The following TTN variants were observed in gnomAD, a reference collection of about 807,000 sequenced individuals.
TTN encodes titin, also known as connectin.
In TTN, 1,525 loss-of-function variants were observed where a neutral mutation model predicts 3,223.0. The observed-to-expected ratio is 0.47, with a 90% CI of 0.45 to 0.49. The LOEUF is 0.49. Among genes scored for constraint, TTN ranks in the 20% least tolerant of loss-of-function variants. The probability of loss-of-function intolerance (pLI) is 0.00; values close to 1 mark genes in which losing one functional copy is unlikely to be tolerated. For synonymous variants in TTN, 14,094 were observed against 15,161.0 expected (o/e 0.93, Z 5.17); for missense variants, 40,786 against 43,424.0 (o/e 0.94, Z 5.40).
intron 11 of TTN, 85 bp downstream of exon 11, chr2:178,790,623 A>T: frequency 6.2e-7 from 1 of 1,601,948 alleles, no homozygotes; most frequent in Non-Finnish European, 8.5e-7. Context: ...TGAAGAAGTG[A>T]TGATTAAGAT....
In TTN at chr2:178,798,692, T is replaced by A. The variant is rs1307294767; in HGVS notation, c.914+795A>T. Reference sequence around the variant, plus strand: ...AAATAAACTGCTTAACTTCTTTAATTCCAGTTACCTATCAATAACATTGAG... The same window carrying A: ...AAATAAACTGCTTAACTTCTTTAATACCAGTTACCTATCAATAACATTGAG... On this transcript the variant is annotated intron_variant, in intron 6 of 362. Coordinates refer to ENST00000589042, the MANE Select transcript of TTN (RefSeq NM_001267550.2). The A allele has an allele frequency of 2.0e-5, 3 of 152,166 alleles. No individual in the cohort carries two copies. In the East Asian group the frequency reaches 5.8e-4, roughly 29 times the overall value. 9.4% of individuals were successfully genotyped at this position (152,166 alleles called of 1,614,324 possible). A position where few individuals can be genotyped will look rare whatever the true frequency, so the allele number is the denominator to read the frequency against.
chr2:178,683,953 T>C (rs1473231721), intron 133 of TTN, 46 bp downstream of exon 133: 19 of 1,453,260 alleles, frequency 1.3e-5, no homozygotes, highest in Non-Finnish European at 1.7e-5. Flanking sequence ...TTTTAGTGTC[T>C]GGATGCTTAT....
chr2:178,711,115 G>A lies in TTN; in HGVS notation c.28121C>T (p.Thr9374Ile), dbSNP rs878939055. ...AGCAGAGCCTATAGGGTTTGTAGCT[G>A]TGCAGGAATACTGGCCTGCAAGGCT... ...DRSLAGQYSC[T>I]ATNPIGSASS... Residue 9374 changes from threonine (T) to isoleucine (I), a missense_variant, in exon 97 of 363, where the codon ACA (threonine) becomes ATA (isoleucine). By Grantham distance (89) the Thr-to-Ile change is moderately conservative. Transcript: ENST00000589042. 1 of 1,613,684 alleles carries A rather than the reference G, an allele frequency of 6.2e-7. No homozygotes were observed. The highest frequency in any genetic ancestry group is 8.5e-7 in the Non-Finnish European group (1 of 1,179,684).
intron 117 of TTN, 146 bp downstream of exon 117, chr2:178,694,453 C>A: frequency 3.7e-6 from 2 of 542,146 alleles, no homozygotes; most frequent in Non-Finnish European, 6.6e-6. Flanking sequence ...AACATATGTG[C>A]AACTCAACAT....
rs1158438965 is a variant in TTN at position 178,757,790 on chromosome 2, T to G, written c.10430A>C (p.His3477Pro). Residue 3477 changes from histidine (H) to proline (P), a missense_variant, in exon 45 of 363, where the codon CAC becomes CCC. By Grantham distance (77) the His-to-Pro change is moderately conservative. Coordinates refer to ENST00000589042, the MANE Select transcript of TTN (RefSeq NM_001267550.2). ...ATGAAATCTGACTGTCTCCCCGTTG[T>G]GCACCCTGAGGCTTGACAGAGGCTG... ...FIQPLSSLRV[H>P]NGETVRFHAR... The G allele has an allele frequency of 6.2e-7, 1 of 1,613,548 alleles. No homozygotes were observed. Among genetic ancestry groups the G allele is most frequent in the Non-Finnish European group, 8.5e-7 (1 of 1,179,676 alleles).
At position 178,635,715 on chromosome 2, in the gene TTN, T is replaced by C; in HGVS notation, c.41609A>G (p.Glu13870Gly). Residue 13870 changes from glutamate to glycine, a missense_variant and splice_region_variant, in exon 227 of 363, where the codon GAA (glutamate) becomes GGA (glycine). Coordinates refer to ENST00000589042, the MANE Select transcript of TTN (RefSeq NM_001267550.2). ...TTTCACCAGCCAATCTCTAATGACT[T>C]CTATATGAAAATAAGATCAGAAAAA... is the stretch of plus-strand genomic sequence containing the variant. ...LECSSCVKVVEVIRDWLVKPI... is the reference protein window; with the variant it reads ...LECSSCVKVVGVIRDWLVKPI... 6.3e-7 allele frequency: 1 copy of C among 1,591,812 alleles called. No individual in the cohort carries two copies. Among genetic ancestry groups the C allele is most frequent in the Non-Finnish European group, 8.5e-7 (1 of 1,170,526 alleles).
In TTN at chr2:178,577,318, G is replaced by A. The variant is rs1559470479; in HGVS notation, c.69017C>T (p.Thr23006Ile). The A allele has an allele frequency of 6.2e-7, 1 of 1,612,818 alleles. No homozygotes were observed. The highest frequency in any genetic ancestry group is 8.5e-7 in the Non-Finnish European group (1 of 1,179,468). The change falls in exon 324 of 363, where the codon ACT (threonine) becomes ATT (isoleucine). Residue 23006 changes from threonine to isoleucine, a missense_variant. Physicochemically the swap from Thr to Ile is moderately conservative, Grantham distance 89. Coordinates refer to ENST00000589042, the MANE Select transcript of TTN (RefSeq NM_001267550.2). ...ATCTTTTCTAGTGGCATACTTGATAGTAAGCATGGAAGATGTTGGGGTTGA... is the reference window on the plus strand; with the variant it reads ...ATCTTTTCTAGTGGCATACTTGATAATAAGCATGGAAGATGTTGGGGTTGA... Reference protein sequence around the residue: ...ITSTPTSSMLTIKYATRKDAG... With the variant: ...ITSTPTSSMLIIKYATRKDAG...
chr2:178,729,294 G>A lies in TTN; in HGVS notation c.18862C>T (p.Leu6288=), dbSNP rs745682900. The A allele has an allele frequency of 1.3e-6, 2 of 1,593,586 alleles. No homozygotes were observed. The highest frequency in any genetic ancestry group is 1.7e-6 in the Non-Finnish European group (2 of 1,168,284). The change falls in exon 64 of 363, where the codon CTG becomes TTG. Residue 6288 remains leucine, a synonymous_variant. Transcript: ENST00000589042. The stretch of plus-strand genomic sequence containing the variant: ...TGCTTCTTGTATAACTGACCTTTCA[G>A]GGCAACTCTAGTACTGCATGAGCAG... ...GSCSCSTRVA[L]KEPPSFIKKI...
chr2:178,555,618 G>A, intron 330 of TTN: 1 of 157,468 alleles, frequency 6.4e-6, no homozygotes, highest in Non-Finnish European at 1.4e-5. Flanking sequence ...CATAATTACT[G>A]GACAGATTTT....
rs149200851 is a variant in TTN, at chr2:178,665,969, T to G, written c.35876-178A>C. Among the ~76,000 whole-genome samples, 294 of 152,230 alleles carry G rather than the reference T, an allele frequency of 1.9e-3. 1 individual carries two copies. The highest frequency in any genetic ancestry group is 6.7e-3 in the African/African-American group (279 of 41,548). The stretch of plus-strand genomic sequence containing the variant: ...ATAAGCGGCTGTTTTCTTGGTCACC[T>G]CAGGCACTATCAGTATTAGTAATTT... On this transcript the variant is annotated intron_variant, in intron 163 of 362. Coordinates refer to ENST00000589042, the MANE Select transcript of TTN (RefSeq NM_001267550.2).
rs201344229 is a variant in TTN, at chr2:178,547,691, A to C, written c.93935T>G (p.Val31312Gly). Residue 31312 changes from valine to glycine, a missense_variant, in exon 339 of 363, where the codon GTA becomes GGA. By Grantham distance (109) the Val-to-Gly change is moderately radical. Transcript: ENST00000589042. The stretch of plus-strand genomic sequence containing the variant: ...AGATGAGACCTCAATGGGGCCGGTT[A>C]CTGGACCTGGCCTTCCAATGACCAC... ...TVVVIGRPGPVTGPIEVSSVS... is the reference protein window; with the variant it reads ...TVVVIGRPGPGTGPIEVSSVS... 2.7e-5 allele frequency: 43 copies of C among 1,613,804 alleles called. No individual in the cohort carries two copies. The highest frequency in any genetic ancestry group is 3.6e-5 in the Non-Finnish European group (42 of 1,179,834).
Position 178,774,355 on chromosome 2 carries a change from A to T in TTN, c.6909T>A (p.Asp2303Glu). 6.2e-7 allele frequency: 1 copy of T among 1,614,114 alleles called. No individual in the cohort carries two copies. Among genetic ancestry groups the T allele is most frequent in the Non-Finnish European group, 8.5e-7 (1 of 1,179,972 alleles). Residue 2303 changes from aspartate to glutamate, a missense_variant, in exon 30 of 363, where the codon GAT becomes GAA. Coordinates refer to ENST00000589042, the MANE Select transcript of TTN (RefSeq NM_001267550.2). ...ENIEGKWYHNDVELKSNGKYT... is the reference protein window; with the variant it reads ...ENIEGKWYHNEVELKSNGKYT... ...ATTTGCCATTGGATTTAAGCTCCAC[A>T]TCATTATGATACCATTTTCCTTCTA... is the stretch of plus-strand genomic sequence containing the variant.
In TTN at chr2:178,693,933, ACCT is replaced by A; in HGVS notation, c.31499_31501del (p.Glu10500del). 6.2e-7 allele frequency: 1 copy of A among 1,612,726 alleles called. No homozygotes were observed. The highest frequency in any genetic ancestry group is 8.5e-7 in the Non-Finnish European group (1 of 1,179,252). ...AGTTTGCCTTATACCTGTGACTGACACCTCCTCCTCTGTGTGAGAAGCAAAGAA... is the reference window on the plus strand; with the variant it reads ...AGTTTGCCTTATACCTGTGACTGACACCTCCTCTGTGTGAGAAGCAAAGAA... On this transcript the variant is annotated inframe_deletion, in exon 118 of 363. Transcript: ENST00000589042.
At position 178,559,378 on chromosome 2, in the gene TTN, T is replaced by G; in HGVS notation, c.86754A>C (p.Arg28918Ser). The G allele has an allele frequency of 1.9e-6, 3 of 1,613,648 alleles. No homozygotes were observed. Among genetic ancestry groups the G allele is most frequent in the African/African-American group, 1.3e-5 (1 of 75,044 alleles). Residue 28918 changes from arginine (R) to serine (S), a missense_variant, in exon 326 of 363, where the codon AGA (arginine) becomes AGC (serine). Coordinates refer to ENST00000589042, the MANE Select transcript of TTN (RefSeq NM_001267550.2). ...NLQEGAIYYF[R>S]VSGENEFGVG... The stretch of plus-strand genomic sequence containing the variant: ...CACCAAACTCATTTTCTCCAGAGAC[T>G]CTGAAGTAATAGATAGCTCCTTCTT...
chr2:178,606,409 G>A (rs535966163), intron 278 of TTN, among the ~76,000 whole-genome samples: 1 of 151,836 alleles, frequency 6.6e-6, no homozygotes, highest in Non-Finnish European at 1.5e-5. Context: ...GAAGGAATAA[G>A]TTCTTCTGTC....
At chr2:178,641,492 C>T in intron 219 of TTN, 177 bp from the exon 220 acceptor site, 1 of 421,420 alleles carries the variant, frequency 2.4e-6, no homozygotes, top group Admixed American at 4.4e-5. Context: ...TTTTTAAAAT[C>T]AAAGGTTGTC....
chr2:178,534,416 C>T lies in TTN; in HGVS notation c.102199G>A (p.Ala34067Thr), dbSNP rs776959962. 6.2e-7 allele frequency: 1 copy of T among 1,611,630 alleles called. No individual in the cohort carries two copies. The highest frequency in any genetic ancestry group is 1.1e-5 in the South Asian group (1 of 91,086). The change falls in exon 358 of 363, where the codon GCT becomes ACT. Residue 34067 changes from alanine (A) to threonine (T), a missense_variant. Physicochemically the swap from Ala to Thr is moderately conservative, Grantham distance 58. Coordinates refer to ENST00000589042, the MANE Select transcript of TTN (RefSeq NM_001267550.2). ...TGCTTCAACCATGGGTGCTGGAGAGCCTCCGATGCTGTCATGCGAGATTTC... is the reference window on the plus strand; with the variant it reads ...TGCTTCAACCATGGGTGCTGGAGAGTCTCCGATGCTGTCATGCGAGATTTC... ...ERKSRMTASE[A>T]LQHPWLKQKI...
intron 312 of TTN, 152 bp from the exon 313 acceptor site, chr2:178,583,379 T>A (rs1315687444): frequency 1.1e-6 from 1 of 871,252 alleles, no homozygotes; most frequent in Non-Finnish European, 1.6e-6. Context: ...AAATAATAAC[T>A]GCACTATTGA....
At chr2:178,598,371 A>G in intron 292 of TTN, 135 bp downstream of exon 292, 3 of 1,089,600 alleles carry the variant, frequency 2.8e-6, no homozygotes, top group South Asian at 3.3e-5. Flanking sequence ...AGATGTTTGG[A>G]ATGTGAGTTA....
Sources: gnomAD v4.1 joint callset for allele counts (sites outside exome capture counted in the v4.1 genomes callset) on GRCh38, gnomAD v4.1.1 for gene constraint, MANE v1.5 for transcripts, NCBI Gene and HGNC (gene_info 2026-07-23, HGNC 2026-07-21) for gene names.